The following PLXNC1 variants were observed in gnomAD, a reference collection of about 807,000 sequenced individuals.
PLXNC1 encodes plexin C1.
A neutral mutation model predicts 178.2 loss-of-function variants in PLXNC1; 75 were observed. The ratio of observed to expected loss-of-function variants is 0.42; its 90% CI spans 0.35 to 0.51. The LOEUF is 0.51. Ranked by LOEUF, PLXNC1 falls within the 20% of genes least tolerant of loss-of-function variation. The probability of loss-of-function intolerance (pLI) is 0.02; values close to 1 mark genes in which losing one functional copy is unlikely to be tolerated. For missense variants in PLXNC1, 1,503 were observed against 1,984.4 expected (o/e 0.76, Z 4.61); for synonymous variants, 790 against 779.9 (o/e 1.01, Z -0.22).
At chr12:94,195,892 C>T (rs892022780) in intron 4 of PLXNC1, among the ~76,000 whole-genome samples, 2 of 152,164 alleles carry the variant, frequency 1.3e-5, no homozygotes, top group African/African-American at 4.8e-5. Flanking sequence ...ACATATTTGT[C>T]CCCAACACCC....
In PLXNC1 at chr12:94,215,570, A is replaced by ATAGATAGG. The variant is rs879609754; in HGVS notation, c.1555-4439_1555-4438insGTAGATAG. ...GCAAACATAGATGATAGATAGATAG[A>ATAGATAGG]TAGATAGATAGATAGATAGATATCA... On this transcript the variant is annotated intron_variant, in intron 5 of 30. Transcript: ENST00000258526. Among the ~76,000 whole-genome samples the ATAGATAGG allele has an allele frequency of 9.3e-3, 1,415 of 151,678 alleles. 9 individuals carry two copies. Among genetic ancestry groups the ATAGATAGG allele is most frequent in the Middle Eastern group, 0.034 (10 of 292 alleles).
chr12:94,306,562 T>C lies in PLXNC1; in HGVS notation c.*1277T>C, dbSNP rs140244222. The C allele has an allele frequency of 1.0e-3, 157 of 152,336 alleles. No individual in the cohort carries two copies. The highest frequency in any genetic ancestry group is 3.7e-3 in the African/African-American group (153 of 41,572). The allele number at this position is 152,336 out of a possible 1,614,324, so 9.4% of individuals were successfully genotyped here. Reference sequence around the variant, plus strand: ...AAACCAGAAGAAGTAAACAGCATAATTGGCAACTCTTGAGCTTTTCTTGTG... The same window carrying C: ...AAACCAGAAGAAGTAAACAGCATAACTGGCAACTCTTGAGCTTTTCTTGTG... On this transcript the variant is annotated 3_prime_UTR_variant, in exon 31 of 31. Coordinates refer to ENST00000258526, the MANE Select transcript of PLXNC1 (RefSeq NM_005761.3).
chr12:94,190,005 G>A (rs796573175), intron 4 of PLXNC1, among the ~76,000 whole-genome samples: 8 of 152,172 alleles, frequency 5.3e-5, no homozygotes, highest in African/African-American at 1.9e-4. Flanking sequence ...GACAGCATGG[G>A]CTTTGAAGCT....
intron 2 of PLXNC1, among the ~76,000 whole-genome samples, chr12:94,177,654 G>A (rs1962153973): frequency 6.6e-6 from 1 of 151,994 alleles, no homozygotes; most frequent in Non-Finnish European, 1.5e-5. Context: ...ACAATTCAGA[G>A]TTCTAGAGAG....
intron 1 of PLXNC1, among the ~76,000 whole-genome samples, chr12:94,160,554 A>G (rs1961345357): frequency 6.6e-6 from 1 of 152,122 alleles, no homozygotes; most frequent in Non-Finnish European, 1.5e-5. Context: ...TTTCTCTATC[A>G]TTGACCCCTT....
rs75674989 is a variant in PLXNC1 at position 94,226,656 on chromosome 12, G to T, written c.1842G>T (p.Arg614Ser). The T allele has an allele frequency of 0.044, 70,500 of 1,613,730 alleles. 2,105 individuals carry two copies. Among genetic ancestry groups the T allele is most frequent in the African/African-American group, 0.14 (10,253 of 74,976 alleles). The change falls in exon 8 of 31, where the codon AGG (arginine) becomes AGT (serine). Residue 614 changes from arginine (R) to serine (S), a missense_variant. By Grantham distance (110) the Arg-to-Ser change is moderately radical. Around this residue, in one of 4 missense-constraint regions of PLXNC1, gnomAD observed 615 missense variants for 698.6 expected, o/e 0.88. Transcript: ENST00000258526. ...TGCAWCKSAR[R>S]CIHPFTACDP... Reference sequence around the variant, plus strand: ...GCGCGTGGTGTAAAAGTGCAAGAAGGTGTATCCACCCCTTCACAGCTTGCG... The same window carrying T: ...GCGCGTGGTGTAAAAGTGCAAGAAGTTGTATCCACCCCTTCACAGCTTGCG...
chr12:94,277,916 G>A (rs1565850813), intron 21 of PLXNC1: 1 of 456,010 alleles, frequency 2.2e-6, no homozygotes. Context: ...GTAGGCCTGA[G>A]GGTTCCCATC....
chr12:94,303,272 C>G (rs558455820), intron 28 of PLXNC1, among the ~76,000 whole-genome samples: 1 of 152,208 alleles, frequency 6.6e-6, no homozygotes, highest in African/African-American at 2.4e-5. Flanking sequence ...AAGGGACAAG[C>G]TGGAAAATCT....
chr12:94,258,316 CT>C (rs886555295), intron 17 of PLXNC1, among the ~76,000 whole-genome samples: 3 of 151,886 alleles, frequency 2.0e-5, no homozygotes, highest in African/African-American at 2.4e-5. Flanking sequence ...GGCTTTTTTG[CT>C]TTTTACTAGG....
chr12:94,192,055 T>C (rs966976642), intron 4 of PLXNC1, among the ~76,000 whole-genome samples: 3 of 152,202 alleles, frequency 2.0e-5, no homozygotes, highest in African/African-American at 7.2e-5. Flanking sequence ...AAAAGTTCAT[T>C]TGCAAGTTTG....
At chr12:94,238,519 T>G (rs1461993472) in intron 10 of PLXNC1, among the ~76,000 whole-genome samples, 2 of 152,200 alleles carry the variant, frequency 1.3e-5, no homozygotes, top group Non-Finnish European at 2.9e-5. Flanking sequence ...TAACTGCAGT[T>G]ATTAAATAAC....
chr12:94,266,694 A>C (rs1316651522), intron 21 of PLXNC1, among the ~76,000 whole-genome samples: 2 of 152,178 alleles, frequency 1.3e-5, no homozygotes, highest in African/African-American at 4.8e-5. Flanking sequence ...AAACCTCTCT[A>C]TGCCTCATTC....
At chr12:94,251,072 C>T (rs770671877) in intron 14 of PLXNC1, among the ~76,000 whole-genome samples, 5 of 124,092 alleles carry the variant, frequency 4.0e-5, no homozygotes, top group Non-Finnish European at 5.4e-5. Flanking sequence ...AATTGAGTTT[C>T]TTCCTTAGAA....
chr12:94,233,821 C>T (rs774348909), intron 9 of PLXNC1, among the ~76,000 whole-genome samples: 56 of 152,248 alleles, frequency 3.7e-4, no homozygotes, highest in Admixed American at 3.3e-4. Context: ...CCCATTTCCA[C>T]GGCTGGTTAC....
intron 23 of PLXNC1, among the ~76,000 whole-genome samples, chr12:94,292,671 T>G (rs1364668843): frequency 6.6e-6 from 1 of 152,184 alleles, no homozygotes; most frequent in Non-Finnish European, 1.5e-5. Context: ...TTATTTATGT[T>G]TCATATACAC....
Position 94,255,550 on chromosome 12 carries a change from G to A in PLXNC1, c.3087+254G>A, listed in dbSNP as rs141380129. Among the ~76,000 whole-genome samples the A allele has an allele frequency of 4.1e-4, 62 of 152,340 alleles. 2 individuals are homozygous for A. In the East Asian group the frequency reaches 0.012, roughly 28 times the overall value. ...AACCTAGGAGGGACAGAAGCTCAGA[G>A]TGATGATTTTTGCTTTCTTTTACTC... is the stretch of plus-strand genomic sequence containing the variant. On this transcript the variant is annotated intron_variant, in intron 17 of 30. Coordinates refer to ENST00000258526, the MANE Select transcript of PLXNC1 (RefSeq NM_005761.3).
At chr12:94,295,150 C>G (rs1171520424) in intron 24 of PLXNC1, among the ~76,000 whole-genome samples, 1 of 152,216 alleles carries the variant, frequency 6.6e-6, no homozygotes, top group Non-Finnish European at 1.5e-5. Context: ...CAGCTCTCAG[C>G]CCTTGGAAAG....
chr12:94,298,766 T>C lies in PLXNC1; in HGVS notation c.4209T>C (p.Pro1403=), dbSNP rs561444778. ...AQAENKKITD[P]DVVHIWKTNS... is the part of the protein sequence containing the mutation. ...CTGAAAACAAAAAAATCACAGATCC[T>C]GACGTCGTACATATTTGGAAAACAA... is the stretch of plus-strand genomic sequence containing the variant. Residue 1403 remains proline, a synonymous_variant, in exon 27 of 31, where the codon CCT becomes CCC. Coordinates refer to ENST00000258526, the MANE Select transcript of PLXNC1 (RefSeq NM_005761.3). The C allele has an allele frequency of 1.2e-5, 20 of 1,611,816 alleles. No individual in the cohort carries two copies. The African/African-American group carries it at 2.5e-4, about 20-fold the overall frequency.
At chr12:94,259,829 C>G in intron 19 of PLXNC1, 95 bp downstream of exon 19, 1 of 1,050,666 alleles carries the variant, frequency 9.5e-7, no homozygotes, top group Non-Finnish European at 1.3e-6. Context: ...TTTGGGAGGC[C>G]AAGGCAGGCA....
Sources: allele counts gnomAD v4.1 joint callset (sites outside exome capture counted in the v4.1 genomes callset), GRCh38; gene constraint gnomAD v4.1.1; regional missense constraint gnomAD v4.1.1; transcripts MANE v1.5; gene names NCBI Gene and HGNC (gene_info 2026-07-23, HGNC 2026-07-21).